DCDC1: variants seen among roughly 807,000 people sequenced by gnomAD.
DCDC1 encodes doublecortin domain-containing protein 1.
In DCDC1, 200 loss-of-function variants were observed where a neutral mutation model predicts 178.3. The observed-to-expected ratio is 1.12, with a 90% confidence interval of 1.00 to 1.26. The LOEUF (loss-of-function observed/expected upper bound fraction) is 1.26, where lower values mean the gene tolerates loss of function less well. Ranked by LOEUF, DCDC1 falls within the 50% of genes most tolerant of loss-of-function variation. The pLI is 0.00. For synonymous variants in DCDC1, 690 were observed against 604.8 expected (o/e 1.14, Z -2.07); for missense variants, 1,983 against 1,749.2 (o/e 1.13, Z -2.38).
At chr11:30,975,801 G>C (rs1950069507) in intron 20 of DCDC1, among the ~76,000 whole-genome samples, 1 of 151,672 alleles carries the variant, frequency 6.6e-6, no homozygotes, top group Admixed American at 6.6e-5. Flanking sequence ...GCAATCTACA[G>C]ATTCAATACA....
intron 7 of DCDC1, among the ~76,000 whole-genome samples, chr11:31,272,213 GAAC>G (rs1351821314): frequency 1.4e-5 from 2 of 148,002 alleles, no homozygotes; most frequent in Non-Finnish European, 3.0e-5. Flanking sequence ...ACTATCACAA[GAAC>G]AGCACGGGAA....
chr11:30,982,365 A>G (rs1950431793), intron 20 of DCDC1, among the ~76,000 whole-genome samples: 1 of 152,244 alleles, frequency 6.6e-6, no homozygotes, highest in Admixed American at 6.5e-5. Context: ...GTTAGTATAC[A>G]GTATCTACCA....
intron 38 of DCDC1, among the ~76,000 whole-genome samples, chr11:30,875,996 A>G (rs903734435): frequency 1.3e-5 from 2 of 152,138 alleles, no homozygotes; most frequent in African/African-American, 2.4e-5. Context: ...TTACCCTAAC[A>G]CTTAATCAGA....
chr11:31,086,328 A>C (rs967474063), intron 17 of DCDC1, among the ~76,000 whole-genome samples: 1 of 152,202 alleles, frequency 6.6e-6, no homozygotes, highest in Non-Finnish European at 1.5e-5. Flanking sequence ...TTTATTTGGC[A>C]TTCCCCTAAT....
chr11:31,120,567 C>G (rs896039938), intron 11 of DCDC1, among the ~76,000 whole-genome samples: 3 of 152,170 alleles, frequency 2.0e-5, no homozygotes, highest in African/African-American at 7.2e-5. Context: ...CCACCCCAAG[C>G]TGGCTCCCAA....
chr11:31,101,842 C>T (rs1032739477), intron 15 of DCDC1, among the ~76,000 whole-genome samples: 1 of 152,022 alleles, frequency 6.6e-6, no homozygotes, highest in Non-Finnish European at 1.5e-5. Flanking sequence ...TTTGGGAGGC[C>T]GAGGTGGACG....
intron 20 of DCDC1, among the ~76,000 whole-genome samples, chr11:31,015,638 G>A (rs765422050): frequency 6.6e-6 from 1 of 152,148 alleles, no homozygotes; most frequent in Admixed American, 6.5e-5. Context: ...CTGAACATTT[G>A]GAGAAAAGGA....
intron 7 of DCDC1, 107 bp downstream of exon 7, chr11:31,290,540 A>C: frequency 8.3e-7 from 1 of 1,206,552 alleles, no homozygotes; most frequent in East Asian, 2.6e-5. Context: ...TGTCTTGTTA[A>C]TATTTCTATT....
intron 9 of DCDC1, among the ~76,000 whole-genome samples, chr11:31,235,726 A>G (rs1467258009): frequency 6.6e-6 from 1 of 152,056 alleles, no homozygotes; most frequent in Non-Finnish European, 1.5e-5. Context: ...TCAGAATTGC[A>G]TAAGCAGAAA....
intron 9 of DCDC1, among the ~76,000 whole-genome samples, chr11:31,152,141 A>G (rs1054987199): frequency 3.9e-5 from 6 of 152,316 alleles, no homozygotes; most frequent in Non-Finnish European, 8.8e-5. Context: ...TTTTCATTTC[A>G]TGTCTAATTG....
At chr11:30,935,923 T>C in intron 21 of DCDC1, among the ~76,000 whole-genome samples, 1 of 152,218 alleles carries the variant, frequency 6.6e-6, no homozygotes, top group East Asian at 1.9e-4. Flanking sequence ...CACTGGTCTT[T>C]TTCCCTCCCT....
chr11:30,903,277 C>A lies in DCDC1; in HGVS notation c.4510+205G>T, dbSNP rs79597221. Among the ~76,000 whole-genome samples, 529 of 152,150 alleles carry A rather than the reference C, an allele frequency of 3.5e-3. 4 individuals carry two copies. The highest frequency in any genetic ancestry group is 0.012 in the African/African-American group (507 of 41,532). ...TTATTTATTGTTTCAGTGCTAAAAT[C>A]AAAATTTGCATTAATTTTTAACTTT... On this transcript the variant is annotated intron_variant, in intron 32 of 38. Coordinates refer to ENST00000684477, the MANE Select transcript of DCDC1 (RefSeq NM_001387274.1).
chr11:31,085,269 A>AAT (rs1039234218), intron 17 of DCDC1, among the ~76,000 whole-genome samples: 1 of 151,974 alleles, frequency 6.6e-6, no homozygotes, highest in African/African-American at 2.4e-5. Flanking sequence ...TAAGTTTTGA[A>AAT]ATATATATAC....
intron 2 of DCDC1, among the ~76,000 whole-genome samples, chr11:31,329,644 G>T (rs1279269382): frequency 6.6e-6 from 1 of 152,262 alleles, no homozygotes; most frequent in African/African-American, 2.4e-5. Context: ...GTGAGAAAAT[G>T]CTGTGTCTGG....
intron 8 of DCDC1, among the ~76,000 whole-genome samples, chr11:31,261,657 AG>A (rs1944793011): frequency 6.6e-6 from 1 of 152,140 alleles, no homozygotes; most frequent in African/African-American, 2.4e-5. Context: ...ATTTTATATA[AG>A]GGACCTGAGC....
At chr11:30,972,898 G>A (rs937672686) in intron 20 of DCDC1, among the ~76,000 whole-genome samples, 8 of 151,968 alleles carry the variant, frequency 5.3e-5, no homozygotes, top group Non-Finnish European at 7.4e-5. Flanking sequence ...GAATCATAGG[G>A]GTAGTTTCTC....
At position 31,186,645 on chromosome 11, in the gene DCDC1, C is replaced by A. The variant is rs186490528; in HGVS notation, c.1222-48861G>T. On this transcript the variant is annotated intron_variant, in intron 9 of 38. Transcript: ENST00000684477. ...AGTGCCAATTAACAAGCAATGGCCA[C>A]CATGCCTGCCTACTGGGTTGAATCT... is the stretch of plus-strand genomic sequence containing the variant. Among the ~76,000 whole-genome samples the A allele has an allele frequency of 3.9e-5, 6 of 152,342 alleles. No individual in the cohort carries two copies. In the East Asian group the frequency reaches 1.2e-3, roughly 29 times the overall value.
intron 11 of DCDC1, 127 bp from the exon 12 acceptor site, chr11:31,110,488 T>G: frequency 1.8e-6 from 1 of 554,338 alleles, no homozygotes; most frequent in East Asian, 2.8e-5. Context: ...GAAAATTGTG[T>G]ACATGGGAAT....
chr11:30,898,256 AT>A (rs1944385657), intron 34 of DCDC1, among the ~76,000 whole-genome samples: 1 of 152,210 alleles, frequency 6.6e-6, no homozygotes, highest in South Asian at 2.1e-4. Flanking sequence ...GCATTTTTGT[AT>A]GATAACTTCA....
Sources: gnomAD v4.1 joint callset for allele counts (sites outside exome capture counted in the v4.1 genomes callset) on GRCh38, gnomAD v4.1.1 for gene constraint, MANE v1.5 for transcripts, NCBI Gene and HGNC (gene_info 2026-07-23, HGNC 2026-07-21) for gene names.